The following KMT2C variants were observed in gnomAD, a reference collection of about 807,000 sequenced individuals.
KMT2C encodes the protein lysine methyltransferase 2C.
In KMT2C, 88 loss-of-function variants were observed where a neutral mutation model predicts 507.9. The ratio of observed to expected loss-of-function variants is 0.17; its 90% CI spans 0.15 to 0.21. The LOEUF (loss-of-function observed/expected upper bound fraction) is 0.21, where lower values mean the gene tolerates loss of function less well. Ranked by LOEUF, KMT2C falls within the 10% of genes least tolerant of loss-of-function variation. KMT2C has a pLI of 1.00. For synonymous variants in KMT2C, 2,049 were observed against 2,080.8 expected (o/e 0.98, Z 0.42); for missense variants, 4,954 against 5,957.8 (o/e 0.83, Z 5.55).
intron 6 of KMT2C, among the ~76,000 whole-genome samples, chr7:152,302,814 A>G (rs933427042): frequency 2.0e-5 from 3 of 151,748 alleles, no homozygotes; most frequent in East Asian, 3.9e-4. Context: ...GTTAATTTTT[A>G]TATTTTTTTA....
chr7:152,242,844 G>C lies in KMT2C; in HGVS notation c.2533-4018C>G, dbSNP rs556573651. Among the ~76,000 whole-genome samples the C allele has an allele frequency of 9.2e-5, 14 of 152,220 alleles. No individual in the cohort carries two copies. In the South Asian group the frequency reaches 2.9e-3, roughly 32 times the overall value. On this transcript the variant is annotated intron_variant, in intron 14 of 58. Coordinates refer to ENST00000262189, the MANE Select transcript of KMT2C (RefSeq NM_170606.3). ...GCCAGAGAAGGTTTGGTGTCTCACT[G>C]GCAAACTTTACACCTCCAAATCCTA...
chr7:152,435,387 T>A (rs1175272855), intron 1 of KMT2C, among the ~76,000 whole-genome samples: 2 of 150,692 alleles, frequency 1.3e-5, no homozygotes, highest in Non-Finnish European at 3.0e-5. Context: ...AAGTAAAGTG[T>A]GCGGAGCCGG....
chr7:152,383,546 CAT>C (rs200108819), intron 1 of KMT2C, among the ~76,000 whole-genome samples: 5,471 of 152,160 alleles, frequency 0.036, 142 homozygotes, highest in African/African-American at 0.12. Flanking sequence ...TTATATTACA[CAT>C]GTTATGGGAA....
intron 9 of KMT2C, among the ~76,000 whole-genome samples, chr7:152,255,014 C>T (rs552330388): frequency 1.3e-5 from 2 of 149,424 alleles, no homozygotes; most frequent in African/African-American, 4.9e-5. Context: ...TAAAACACTC[C>T]TAAAAGACAC....
intron 2 of KMT2C, among the ~76,000 whole-genome samples, chr7:152,352,823 A>G (rs1299728317): frequency 6.6e-6 from 1 of 152,188 alleles, no homozygotes; most frequent in African/African-American, 2.4e-5. Context: ...AACTTTTGCC[A>G]AAGAGCACAG....
chr7:152,317,967 G>A (rs1006021191), intron 3 of KMT2C, among the ~76,000 whole-genome samples: 8 of 151,782 alleles, frequency 5.3e-5, no homozygotes, highest in Admixed American at 2.0e-4. Context: ...GTGAAACCCC[G>A]TCTCTACTAA....
chr7:152,227,787 CA>C (rs1347776774), intron 18 of KMT2C, among the ~76,000 whole-genome samples: 1 of 152,214 alleles, frequency 6.6e-6, no homozygotes, highest in East Asian at 1.9e-4. Context: ...CAAAGACCCA[CA>C]ACCAGGGGAA....
chr7:152,162,971 G>A lies in KMT2C; in HGVS notation c.10606C>T (p.His3536Tyr), dbSNP rs375465800. 1.2e-6 allele frequency: 2 copies of A among 1,614,054 alleles called. No homozygotes were observed. The highest frequency in any genetic ancestry group is 2.7e-5 in the African/African-American group (2 of 74,916). Residue 3536 changes from histidine (H) to tyrosine (Y), a missense_variant, in exon 43 of 59, where the codon CAT becomes TAT. Coordinates refer to ENST00000262189, the MANE Select transcript of KMT2C (RefSeq NM_170606.3). ...AAGCTGGTCCCAGAAAGATTTCCAT[G>A]TCCCTGCTTCACAGAAGAAAAATTT... ...SPNFSSVKQG[H>Y]GNLSGTSFQQ...
chr7:152,392,968 A>G (rs1564097933), intron 1 of KMT2C, among the ~76,000 whole-genome samples: 1 of 152,086 alleles, frequency 6.6e-6, no homozygotes, highest in Non-Finnish European at 1.5e-5. Context: ...GGTGGTATGC[A>G]CCTGTAGTCC....
intron 56 of KMT2C, 41 bp downstream of exon 56, chr7:152,139,631 GGAT>G (rs777336200): frequency 2.7e-5 from 35 of 1,282,010 alleles, no homozygotes; most frequent in Non-Finnish European, 3.6e-5. Flanking sequence ...GAAAGGGAGA[GGAT>G]GATGGTGCTG....
chr7:152,359,288 G>GA (rs35157323), intron 1 of KMT2C, among the ~76,000 whole-genome samples: 6,492 of 80,906 alleles, frequency 0.08, 223 homozygotes, highest in African/African-American at 0.14. Context: ...GAAAGCAATT[G>GA]AAAAAAAAAA....
intron 1 of KMT2C, among the ~76,000 whole-genome samples, chr7:152,360,837 G>A (rs1363967270): frequency 7.5e-5 from 11 of 146,284 alleles, no homozygotes; most frequent in African/African-American, 2.0e-4. Context: ...CAACAAGGGC[G>A]AAATTCTATC....
chr7:152,352,498 T>C (rs189272244), intron 2 of KMT2C, among the ~76,000 whole-genome samples: 1 of 152,258 alleles, frequency 6.6e-6, no homozygotes, highest in African/African-American at 2.4e-5. Flanking sequence ...ACTTGCTGGT[T>C]TTGCGGCCTG....
At chr7:152,153,979 TTTAACA>T (rs1035480462) in intron 48 of KMT2C, 25 bp downstream of exon 48, 23 of 1,608,868 alleles carry the variant, frequency 1.4e-5, no homozygotes, top group African/African-American at 4.0e-5. Context: ...GGACATACTG[TTTAACA>T]TTAAGAAGTC....
chr7:152,208,088 C>T (rs923032795), intron 23 of KMT2C, among the ~76,000 whole-genome samples: 7 of 152,198 alleles, frequency 4.6e-5, no homozygotes, highest in African/African-American at 1.4e-4. Context: ...TCTCTCCAAT[C>T]AGTTCTTTAA....
chr7:152,148,007 C>A lies in KMT2C; in HGVS notation c.13894+26G>T. On this transcript the variant is annotated intron_variant, in intron 52 of 58. Coordinates refer to ENST00000262189, the MANE Select transcript of KMT2C (RefSeq NM_170606.3). The surrounding 1 kb of genome is among the most constrained non-coding windows in gnomAD (Gnocchi z 7.1). ...CCTGACATCAGAGTAAGTAGCACTGCACAGCATGTGAACGGCAGACGTTAC... is the reference window on the plus strand; with the variant it reads ...CCTGACATCAGAGTAAGTAGCACTGAACAGCATGTGAACGGCAGACGTTAC... The A allele has an allele frequency of 1.3e-6, 2 of 1,541,194 alleles. No individual in the cohort carries two copies. Among genetic ancestry groups the A allele is most frequent in the Admixed American group, 1.9e-5 (1 of 51,412 alleles).
At chr7:152,262,922 T>G in intron 9 of KMT2C, 94 bp downstream of exon 9, 1 of 819,044 alleles carries the variant, frequency 1.2e-6, no homozygotes, top group South Asian at 1.8e-5. Flanking sequence ...AAGCTGATGG[T>G]GATGATGTAC....
chr7:152,169,300 G>A (rs770907607), intron 40 of KMT2C, 51 bp from the exon 41 acceptor site: 110 of 994,488 alleles, frequency 1.1e-4, no homozygotes, highest in Non-Finnish European at 1.6e-4. Flanking sequence ...TCAGTTAAAG[G>A]GGGGAAAAAA....
At position 152,321,653 on chromosome 7, in the gene KMT2C, G is replaced by C. The variant is rs149901695; in HGVS notation, c.390-6315C>G. On this transcript the variant is annotated intron_variant, in intron 3 of 58. Coordinates refer to ENST00000262189, the MANE Select transcript of KMT2C (RefSeq NM_170606.3). ...CAAACGATCCTAAAAGAAAATTAAT[G>C]TAATAATCCCATTTACAATAGCAAC... Among the ~76,000 whole-genome samples the C allele has an allele frequency of 7.5e-3, 1,133 of 152,006 alleles. 16 individuals carry two copies. Among genetic ancestry groups the C allele is most frequent in the Non-Finnish European group, 0.013 (864 of 67,958 alleles).
Sources: gnomAD v4.1 joint callset for allele counts (sites outside exome capture counted in the v4.1 genomes callset) on GRCh38, gnomAD v4.1.1 for gene constraint, Gnocchi (gnomAD v3.1) non-coding constraint, MANE v1.5 for transcripts, NCBI Gene and HGNC (gene_info 2026-07-23, HGNC 2026-07-21) for gene names.